The following ZCCHC2 variants were observed in gnomAD, a reference collection of about 807,000 sequenced individuals.
The protein encoded by ZCCHC2 is zinc finger CCHC domain-containing protein 2.
Under a neutral mutation model 103.6 loss-of-function variants are expected in ZCCHC2, and 39 were observed. That is an observed-to-expected ratio of 0.38 (90% CI 0.29 to 0.49). The LOEUF (loss-of-function observed/expected upper bound fraction) is 0.49, where lower values mean the gene tolerates loss of function less well. Ranked by LOEUF, ZCCHC2 falls within the 20% of genes least tolerant of loss-of-function variation. The pLI, the probability that ZCCHC2 is intolerant of heterozygous loss-of-function variation, is 0.96. For missense variants in ZCCHC2, 1,483 were observed against 1,491.0 expected, an observed-to-expected ratio of 0.99 and a Z score of 0.09; for synonymous variants, 687 against 608.9, an observed-to-expected ratio of 1.13 and a Z score of -1.89.
At chr18:62,552,549 T>G (rs1474172693) in intron 5 of ZCCHC2, 1 of 152,086 alleles carries the variant, frequency 6.6e-6, no homozygotes, top group Admixed American at 6.5e-5. Flanking sequence ...AGGAAAAAAT[T>G]AACTATTTCT....
At chr18:62,546,153 G>T (rs77737434) in intron 4 of ZCCHC2, among the ~76,000 whole-genome samples, 1 of 152,194 alleles carries the variant, frequency 6.6e-6, no homozygotes, top group Non-Finnish European at 1.5e-5. Flanking sequence ...GCCACTGCCT[G>T]TGACATGTCA....
At chr18:62,541,627 G>A (rs1915186214) in intron 2 of ZCCHC2, among the ~76,000 whole-genome samples, 1 of 151,930 alleles carries the variant, frequency 6.6e-6, no homozygotes, top group South Asian at 2.1e-4. Context: ...TTCATTATCA[G>A]CCTGATATTA....
Position 62,574,538 on chromosome 18 carries a change from A to C in ZCCHC2, c.2457A>C (p.Pro819=), listed in dbSNP as rs747893667. ...CAGTTCAGAGGCTAAAGTTGCCACC[A>C]CCACAGGGATCTTCTGAGAGCTGCA... The part of the protein sequence containing the change: ...HLTVQRLKLP[P]PQGSSESCTV... The change falls in exon 13 of 14, where the codon CCA becomes CCC. Residue 819 remains proline, a synonymous_variant. Transcript: ENST00000269499. 6.2e-7 allele frequency: 1 copy of C among 1,613,976 alleles called. No individual in the cohort carries two copies. Among genetic ancestry groups the C allele is most frequent in the Non-Finnish European group, 8.5e-7 (1 of 1,179,888 alleles).
chr18:62,532,903 G>A (rs1345503187), intron 1 of ZCCHC2, among the ~76,000 whole-genome samples: 1 of 152,044 alleles, frequency 6.6e-6, no homozygotes, highest in Non-Finnish European at 1.5e-5. Flanking sequence ...TGGGCGTAGT[G>A]GTGCATGTCT....
chr18:62,523,460 C>G lies in ZCCHC2; in HGVS notation c.36C>G (p.His12Gln). 2 of 1,097,924 alleles carry G rather than the reference C, an allele frequency of 1.8e-6. No homozygotes were observed. Among genetic ancestry groups the G allele is most frequent in the Non-Finnish European group, 2.2e-6 (2 of 889,980 alleles). 68.0% of individuals were successfully genotyped at this position (1,097,924 alleles called of 1,614,324 possible). A position where few individuals can be genotyped will look rare whatever the true frequency, so the allele number is the denominator to read the frequency against. Residue 12 changes from histidine to glutamine, a missense_variant, in exon 1 of 14, where the codon CAC (histidine) becomes CAG (glutamine). Physicochemically the swap from His to Gln is conservative, Grantham distance 24. This residue lies in a region of ZCCHC2 where 568 missense variants were observed against 525.1 expected (regional missense o/e 1.08). Coordinates refer to ENST00000269499, the MANE Select transcript of ZCCHC2 (RefSeq NM_017742.6). ...TGAAGCTGCCGCTGAAGCCAACGCA[C>G]CCCGCGGAGCCGCCGCCCGAGGCGG... ...LRMKLPLKPT[H>Q]PAEPPPEAEE...
At position 62,576,617 on chromosome 18, in the gene ZCCHC2, G is replaced by GGGGA; in HGVS notation, c.*40_*43dup. ...TTGCCTACTTAATACACTCAAGTGT[G>GGGGA]GGGAGTCATGGGGTGTGGAGGGGAG... On this transcript the variant is annotated 3_prime_UTR_variant, in exon 14 of 14. Transcript: ENST00000269499. 1.3e-6 allele frequency: 2 copies of GGGGA among 1,580,948 alleles called. No individual in the cohort carries two copies. The highest frequency in any genetic ancestry group is 1.7e-6 in the Non-Finnish European group (2 of 1,151,560).
intron 4 of ZCCHC2, among the ~76,000 whole-genome samples, chr18:62,549,689 T>G (rs1259241093): frequency 6.6e-6 from 1 of 152,238 alleles, no homozygotes; most frequent in Non-Finnish European, 1.5e-5. Context: ...TAAATTTTGT[T>G]TAAAACCTAA....
intron 1 of ZCCHC2, among the ~76,000 whole-genome samples, chr18:62,528,320 T>G (rs1458643662): frequency 6.6e-6 from 1 of 152,178 alleles, no homozygotes; most frequent in Non-Finnish European, 1.5e-5. Context: ...TGCGGCCAGG[T>G]GCGGTGGCTC....
At chr18:62,583,085 CAG>C (rs1164508645), downstream of ZCCHC2, among the ~76,000 whole-genome samples, 1 of 152,106 alleles carries the variant, frequency 6.6e-6, no homozygotes, top group African/African-American at 2.4e-5. Flanking sequence ...GCCTAGGTGA[CAG>C]AGTGAGACCG....
rs1914201686 is a variant in ZCCHC2 at position 62,523,937 on chromosome 18, G to A, written c.513G>A (p.Ser171=). 3.3e-6 allele frequency: 5 copies of A among 1,526,218 alleles called. No individual in the cohort carries two copies. In the South Asian group the frequency reaches 3.6e-5, roughly 11 times the overall value. The allele number at this position is 1,526,218 out of a possible 1,614,324, so 94.5% of individuals were successfully genotyped here. A position where few individuals can be genotyped will look rare whatever the true frequency, so the allele number is the denominator to read the frequency against. ...LADFREPAVR[S]RLIVYLALLG... ...ACTTCCGAGAGCCCGCGGTGCGCTC[G>A]CGCCTCATCGTCTACCTGGCGCTGC... is the stretch of plus-strand genomic sequence containing the variant. Residue 171 remains serine (S), a synonymous_variant, in exon 1 of 14, where the codon TCG becomes TCA. Coordinates refer to ENST00000269499, the MANE Select transcript of ZCCHC2 (RefSeq NM_017742.6).
At chr18:62,562,255 GC>G (rs551039179) in intron 8 of ZCCHC2, among the ~76,000 whole-genome samples, 40 of 152,258 alleles carry the variant, frequency 2.6e-4, no homozygotes, top group South Asian at 2.5e-3. Flanking sequence ...ACCCACCTCA[GC>G]CTCCCAAAGT....
intron 5 of ZCCHC2, among the ~76,000 whole-genome samples, 181 bp downstream of exon 5, chr18:62,550,641 A>T (rs183917652): frequency 1.6e-3 from 249 of 152,368 alleles, no homozygotes; most frequent in Middle Eastern, 0.01. Flanking sequence ...AACTAGTTTC[A>T]TCATTGTACT....
At chr18:62,547,346 C>G (rs1320429610) in intron 4 of ZCCHC2, among the ~76,000 whole-genome samples, 4 of 148,006 alleles carry the variant, frequency 2.7e-5, no homozygotes, top group African/African-American at 1.0e-4. Context: ...AAAAAAAGTT[C>G]AGGAGCAAAA....
rs773322614 is a variant in ZCCHC2, at chr18:62,575,439, A to T, written c.3358A>T (p.Thr1120Ser). 3 of 1,613,970 alleles carry T rather than the reference A, an allele frequency of 1.9e-6. No individual in the cohort carries two copies. Among genetic ancestry groups the T allele is most frequent in the African/African-American group, 1.3e-5 (1 of 75,018 alleles). The change falls in exon 13 of 14, where the codon ACC becomes TCC. Residue 1120 changes from threonine (T) to serine (S), a missense_variant. Physicochemically the swap from Thr to Ser is moderately conservative, Grantham distance 58 (BLOSUM62 1). This residue lies in a region of ZCCHC2 where 884 missense variants were observed against 907.5 expected (regional missense o/e 0.97). Transcript: ENST00000269499. The part of the protein sequence containing the change: ...VYPAPNVVAN[T>S]SGSGPKKNGN... ...TCCAGCACCTAACGTAGTTGCCAAC[A>T]CCAGTGGTTCGGGGCCCAAGAAGAA...
intron 5 of ZCCHC2, among the ~76,000 whole-genome samples, chr18:62,555,094 G>A (rs1293999743): frequency 6.6e-6 from 1 of 152,180 alleles, no homozygotes; most frequent in African/African-American, 2.4e-5. Flanking sequence ...GTTTATCTGT[G>A]TGCACTATTT....
chr18:62,561,383 T>C lies in ZCCHC2; in HGVS notation c.1550+739T>C, dbSNP rs1916109457. Among the ~76,000 whole-genome samples, 3 of 152,214 alleles carry C rather than the reference T, an allele frequency of 2.0e-5. No homozygotes were observed. The South Asian group carries it at 6.2e-4, about 31-fold the overall frequency. ...TCTTATTCTCTCCACTCACCTCCAG[T>C]TTCTCCTGCAGATCCCATAAAACCG... is the stretch of plus-strand genomic sequence containing the variant. On this transcript the variant is annotated intron_variant, in intron 8 of 13. Transcript: ENST00000269499.
At chr18:62,555,412 G>T (rs1203563218) in intron 5 of ZCCHC2, among the ~76,000 whole-genome samples, 1 of 152,192 alleles carries the variant, frequency 6.6e-6, no homozygotes, top group Non-Finnish European at 1.5e-5. Flanking sequence ...ATATATGTAT[G>T]ATATATGATA....
At chr18:62,558,909 C>T in intron 7 of ZCCHC2, 139 bp downstream of exon 7, 1 of 514,758 alleles carries the variant, frequency 1.9e-6, no homozygotes, top group Non-Finnish European at 3.4e-6. Flanking sequence ...AAGGAATAGA[C>T]CATTCAATAA....
chr18:62,564,919 GA>G (rs1262856509), intron 10 of ZCCHC2, 82 bp from the exon 11 acceptor site: 35 of 1,023,608 alleles, frequency 3.4e-5, no homozygotes, highest in Non-Finnish European at 4.3e-5. Flanking sequence ...GAAGAGTCTT[GA>G]AGGAAATTTT....
Sources: gnomAD v4.1 joint callset for allele counts (sites outside exome capture counted in the v4.1 genomes callset) on GRCh38, gnomAD v4.1.1 for gene constraint, gnomAD v4.1.1 regional missense constraint, MANE v1.5 for transcripts, NCBI Gene and HGNC (gene_info 2026-07-23, HGNC 2026-07-21) for gene names.